Variants in IPO11 observed in about 807,000 individuals in gnomAD.
IPO11 encodes the protein importin-11.
Under a neutral mutation model 143.2 loss-of-function variants are expected in IPO11, and 66 were observed. The ratio of observed to expected loss-of-function variants is 0.46; its 90% CI spans 0.38 to 0.57. The LOEUF is 0.57. IPO11 is among the 20% of genes least tolerant of loss of function. The pLI is 0.00. For missense variants in IPO11, 1,026 were observed against 1,141.0 expected, an observed-to-expected ratio of 0.90 and a Z score of 1.45; for synonymous variants, 385 against 377.8, an observed-to-expected ratio of 1.02 and a Z score of -0.22.
intron 26 of IPO11, among the ~76,000 whole-genome samples, chr5:62,560,449 A>G (rs943997347): frequency 2.6e-5 from 4 of 152,180 alleles, no homozygotes; most frequent in Admixed American, 6.5e-5. Context: ...GCCCACTCAC[A>G]TTATCTAGGG....
chr5:62,617,159 G>C (rs1746172288), intron 29 of IPO11, among the ~76,000 whole-genome samples: 1 of 152,168 alleles, frequency 6.6e-6, no homozygotes, highest in Admixed American at 6.5e-5. Context: ...GGGAGCAGCT[G>C]TGTCCTATAG....
At chr5:62,590,377 G>A (rs1222366055) in intron 27 of IPO11, among the ~76,000 whole-genome samples, 1 of 152,054 alleles carries the variant, frequency 6.6e-6, no homozygotes, top group Non-Finnish European at 1.5e-5. Context: ...TACAGTTAAG[G>A]GAATATTTTA....
At chr5:62,606,194 A>G (rs2112456599) in intron 29 of IPO11, among the ~76,000 whole-genome samples, 1 of 152,054 alleles carries the variant, frequency 6.6e-6, no homozygotes, top group South Asian at 2.1e-4. Context: ...GAAAGAGAAA[A>G]GTTGGGCCAG....
At chr5:62,443,468 A>G (rs1316627637) in intron 3 of IPO11, among the ~76,000 whole-genome samples, 1 of 151,074 alleles carries the variant, frequency 6.6e-6, no homozygotes, top group Non-Finnish European at 1.5e-5. Flanking sequence ...TGCAAGGATC[A>G]TGCTGAGTCA....
chr5:62,480,649 T>G (rs1746159687), intron 9 of IPO11, among the ~76,000 whole-genome samples: 1 of 152,208 alleles, frequency 6.6e-6, no homozygotes, highest in African/African-American at 2.4e-5. Context: ...GAAGAAGTCC[T>G]TCACATGCCT....
chr5:62,578,080 C>T (rs32148), intron 27 of IPO11, among the ~76,000 whole-genome samples: 13,712 of 151,960 alleles, frequency 0.09, 674 homozygotes, highest in East Asian at 0.14. Context: ...ATATATAGGG[C>T]GAAACATCGC....
Position 62,467,251 on chromosome 5 carries a change from C to A in IPO11, c.637C>A (p.Leu213Ile). The A allele has an allele frequency of 6.2e-7, 1 of 1,613,188 alleles. No individual in the cohort carries two copies. Among genetic ancestry groups the A allele is most frequent in the Non-Finnish European group, 8.5e-7 (1 of 1,179,728 alleles). ...AILSSLERTL[L>I]SLKVLRKLTV... ...TTTGAGTTCACTAGAACGAACACTG[C>A]TATCATTGAAAGGTACTATTAAGCT... Residue 213 changes from leucine (L) to isoleucine (I), a missense_variant, in exon 6 of 30, where the codon CTA becomes ATA. This residue lies in a region of IPO11 where 429 missense variants were observed against 456.3 expected (regional missense o/e 0.94). Transcript: ENST00000325324.
At chr5:62,450,935 T>C (rs553995301) in intron 4 of IPO11, among the ~76,000 whole-genome samples, 2 of 152,308 alleles carry the variant, frequency 1.3e-5, no homozygotes, top group South Asian at 4.1e-4. Context: ...TACAATTTTA[T>C]TTTGACCTGT....
intron 5 of IPO11, among the ~76,000 whole-genome samples, chr5:62,453,610 G>T (rs529547347): frequency 5.9e-5 from 9 of 152,170 alleles, no homozygotes; most frequent in African/African-American, 2.2e-4. Flanking sequence ...AGGGAAGGGG[G>T]TGGGAAAAGC....
At chr5:62,595,583 A>G (rs1261039257) in intron 28 of IPO11, among the ~76,000 whole-genome samples, 1 of 152,148 alleles carries the variant, frequency 6.6e-6, no homozygotes, top group African/African-American at 2.4e-5. Flanking sequence ...AAAGTTAGAA[A>G]AGTTTTATCT....
chr5:62,612,910 A>T (rs1745979859), intron 29 of IPO11, among the ~76,000 whole-genome samples: 1 of 152,254 alleles, frequency 6.6e-6, no homozygotes, highest in Non-Finnish European at 1.5e-5. Context: ...AAAAGTTTGT[A>T]AGTCTGTAGG....
chr5:62,582,249 A>G (rs1349247111), intron 27 of IPO11, among the ~76,000 whole-genome samples: 1 of 152,182 alleles, frequency 6.6e-6, no homozygotes, highest in Non-Finnish European at 1.5e-5. Context: ...AATCCAGGGG[A>G]AAGATGCTAG....
rs34629573 is a variant in IPO11, at chr5:62,518,140, T to TA, written c.1896+2659dup. Reference sequence around the variant, plus strand: ...CAACATGGTGAAACCCCGTGCCTACTAAAAAAAAAAAAAAAAAAAATTTGG... The same window carrying TA: ...CAACATGGTGAAACCCCGTGCCTACTAAAAAAAAAAAAAAAAAAAAATTTGG... On this transcript the variant is annotated intron_variant, in intron 20 of 29. Coordinates refer to ENST00000325324, the MANE Select transcript of IPO11 (RefSeq NM_016338.5). Among the ~76,000 whole-genome samples, 744 of 120,282 alleles carry TA rather than the reference T, an allele frequency of 6.2e-3. 7 individuals are homozygous for TA. The highest frequency in any genetic ancestry group is 0.02 in the African/African-American group (621 of 31,314). The allele number at this position is 120,282 out of a possible 152,430, so 78.9% of individuals were successfully genotyped here.
chr5:62,591,846 C>T (rs1745033956), intron 28 of IPO11, among the ~76,000 whole-genome samples, 174 bp downstream of exon 28: 1 of 151,946 alleles, frequency 6.6e-6, no homozygotes, highest in Non-Finnish European at 1.5e-5. Flanking sequence ...ATCTTGGTAT[C>T]ACCTTATTTA....
At chr5:62,448,829 G>A (rs934863107) in intron 3 of IPO11, among the ~76,000 whole-genome samples, 1 of 152,166 alleles carries the variant, frequency 6.6e-6, no homozygotes, top group Non-Finnish European at 1.5e-5. Flanking sequence ...AAAGGATTGG[G>A]ATTACAGGCA....
At chr5:62,567,558 CTTTTTT>C (rs34740276) in intron 27 of IPO11, among the ~76,000 whole-genome samples, 3 of 70,188 alleles carry the variant, frequency 4.3e-5, no homozygotes, top group South Asian at 6.5e-4. Flanking sequence ...CTTACATTTC[CTTTTTT>C]TTTTTTTTTT....
chr5:62,610,155 T>C (rs1212386265), intron 29 of IPO11, among the ~76,000 whole-genome samples: 1 of 152,248 alleles, frequency 6.6e-6, no homozygotes, highest in Non-Finnish European at 1.5e-5. Context: ...TTTATCATAC[T>C]GTTTGAGTGA....
At chr5:62,566,291 C>G (rs988763114) in intron 27 of IPO11, among the ~76,000 whole-genome samples, 1 of 152,150 alleles carries the variant, frequency 6.6e-6, no homozygotes, top group Non-Finnish European at 1.5e-5. Context: ...CCAGCATCTA[C>G]TGTTTCTTGA....
intron 27 of IPO11, among the ~76,000 whole-genome samples, chr5:62,567,644 C>A (rs1357646407): frequency 2.1e-5 from 3 of 145,278 alleles, no homozygotes; most frequent in African/African-American, 5.1e-5. Flanking sequence ...CCCACTGCAA[C>A]CTCCGCCGCC....
Sources: gnomAD v4.1 joint callset for allele counts (sites outside exome capture counted in the v4.1 genomes callset) on GRCh38, gnomAD v4.1.1 for gene constraint, gnomAD v4.1.1 regional missense constraint, MANE v1.5 for transcripts, NCBI Gene and HGNC (gene_info 2026-07-23, HGNC 2026-07-21) for gene names.